The following MAGI1 variants were observed in gnomAD, a reference collection of about 807,000 sequenced individuals.
MAGI1 encodes the protein membrane-associated guanylate kinase, WW and PDZ domain-containing protein 1.
Under a neutral mutation model 139.9 loss-of-function variants are expected in MAGI1, and 58 were observed. The ratio of observed to expected loss-of-function variants is 0.41; its 90% CI spans 0.34 to 0.52. The LOEUF (loss-of-function observed/expected upper bound fraction) is 0.52. Ranked by LOEUF, MAGI1 falls within the 20% of genes least tolerant of loss-of-function variation. The pLI, the probability that MAGI1 is intolerant of heterozygous loss-of-function variation, is 0.12. For missense variants in MAGI1, 1,874 were observed against 1,901.6 expected (o/e 0.99, Z 0.27); for synonymous variants, 812 against 737.9 (o/e 1.10, Z -1.63).
At chr3:65,734,504 AG>A (rs1266288225) in intron 1 of MAGI1, among the ~76,000 whole-genome samples, 2 of 143,024 alleles carry the variant, frequency 1.4e-5, no homozygotes, top group African/African-American at 5.4e-5. Context: ...AGAAAGAGGA[AG>A]AGAGAGAAAG....
At position 65,854,304 on chromosome 3, in the gene MAGI1, A is replaced by C. The variant is rs147775523; in HGVS notation, c.313+183692T>G. Among the ~76,000 whole-genome samples, 1,402 of 152,278 alleles carry C rather than the reference A, an allele frequency of 9.2e-3. 20 individuals carry two copies. Among genetic ancestry groups the C allele is most frequent in the African/African-American group, 0.032 (1,349 of 41,532 alleles). ...TTCAAATTTAAGACAAAACACAACA[A>C]AGAAGTAGCAGAAAGAAACAAGGAG... On this transcript the variant is annotated intron_variant, in intron 1 of 22. Coordinates refer to ENST00000402939, the MANE Select transcript of MAGI1 (RefSeq NM_001033057.2).
At chr3:65,704,441 T>C (rs1388232763) in intron 1 of MAGI1, among the ~76,000 whole-genome samples, 1 of 152,178 alleles carries the variant, frequency 6.6e-6, no homozygotes, top group East Asian at 1.9e-4. Flanking sequence ...GATTGCCTCC[T>C]TTCCCCAGGC....
intron 2 of MAGI1, among the ~76,000 whole-genome samples, chr3:65,564,003 A>G (rs181423292): frequency 1.8e-4 from 28 of 152,320 alleles, no homozygotes; most frequent in Middle Eastern, 3.4e-3. Flanking sequence ...TGGCACATGT[A>G]ATGACATTTA....
chr3:65,412,634 T>C (rs1373076457), intron 12 of MAGI1, among the ~76,000 whole-genome samples: 1 of 152,174 alleles, frequency 6.6e-6, no homozygotes, highest in African/African-American at 2.4e-5. Context: ...GTTTACACCT[T>C]GAAAGCTGCA....
chr3:65,490,414 G>A (rs1002633952), intron 3 of MAGI1, among the ~76,000 whole-genome samples: 3 of 152,190 alleles, frequency 2.0e-5, no homozygotes, highest in Non-Finnish European at 4.4e-5. Flanking sequence ...TTGTCCAGGG[G>A]AGGCAAAGAC....
At chr3:66,005,319 A>G (rs946894820) in intron 1 of MAGI1, among the ~76,000 whole-genome samples, 3 of 152,174 alleles carry the variant, frequency 2.0e-5, no homozygotes, top group African/African-American at 7.2e-5. Context: ...ATCATCTGCA[A>G]TGAGTGGCCC....
chr3:65,419,732 C>A (rs1050276898), intron 12 of MAGI1, among the ~76,000 whole-genome samples: 1 of 152,062 alleles, frequency 6.6e-6, no homozygotes, highest in Admixed American at 6.5e-5. Context: ...CATTTTGGCT[C>A]CCTCCCTTTT....
chr3:65,463,357 A>G (rs1949945520), intron 5 of MAGI1, among the ~76,000 whole-genome samples: 1 of 152,166 alleles, frequency 6.6e-6, no homozygotes, highest in South Asian at 2.1e-4. Context: ...CTGTTGAGAT[A>G]ATCATGTGGT....
At chr3:65,517,165 T>C (rs572235563) in intron 2 of MAGI1, among the ~76,000 whole-genome samples, 163 of 152,290 alleles carry the variant, frequency 1.1e-3, no homozygotes, top group Non-Finnish European at 1.7e-3. Context: ...ATTCTTAGAC[T>C]ACTCCAGAAA....
At chr3:66,000,295 A>G (rs541655435) in intron 1 of MAGI1, among the ~76,000 whole-genome samples, 2 of 152,082 alleles carry the variant, frequency 1.3e-5, no homozygotes, top group East Asian at 3.9e-4. Context: ...TTTTAATGAT[A>G]AAACAGCTTG....
At chr3:65,641,418 G>C (rs557519319) in intron 1 of MAGI1, among the ~76,000 whole-genome samples, 1 of 152,284 alleles carries the variant, frequency 6.6e-6, no homozygotes, top group Non-Finnish European at 1.5e-5. Flanking sequence ...GAAGGACTAG[G>C]CATCGGTATT....
At chr3:65,619,782 A>G (rs2107037204) in intron 2 of MAGI1, 1 of 880,230 alleles carries the variant, frequency 1.1e-6, no homozygotes, top group African/African-American at 1.8e-5. Flanking sequence ...ACGCTCCACC[A>G]GACTCCAAAA....
At chr3:65,956,328 G>A (rs1226813644) in intron 1 of MAGI1, among the ~76,000 whole-genome samples, 6 of 152,122 alleles carry the variant, frequency 3.9e-5, no homozygotes, top group African/African-American at 1.4e-4. Context: ...TGCAGATAAG[G>A]AGACTGAGTC....
chr3:65,631,249 T>C (rs73835614), intron 1 of MAGI1, among the ~76,000 whole-genome samples: 161 of 152,346 alleles, frequency 1.1e-3, no homozygotes, highest in African/African-American at 3.7e-3. Context: ...AGGAATCCAA[T>C]GTTTGTGCTT....
At chr3:65,388,264 G>C (rs148285311) in intron 14 of MAGI1, among the ~76,000 whole-genome samples, 1 of 152,248 alleles carries the variant, frequency 6.6e-6, no homozygotes, top group East Asian at 1.9e-4. Context: ...GAAGGAATGC[G>C]TTCACAGATT....
intron 2 of MAGI1, among the ~76,000 whole-genome samples, chr3:65,573,659 T>G (rs901433888): frequency 1.3e-5 from 2 of 152,130 alleles, no homozygotes; most frequent in Non-Finnish European, 2.9e-5. Flanking sequence ...AGAGTGAATG[T>G]TTTTTCCCTA....
chr3:65,828,612 T>G lies in MAGI1; in HGVS notation c.314-206524A>C, dbSNP rs536494351. Among the ~76,000 whole-genome samples, 16 of 152,298 alleles carry G rather than the reference T, an allele frequency of 1.1e-4. 1 individual carries two copies. The highest frequency in any genetic ancestry group is 9.1e-4 in the Admixed American group (14 of 15,304). On this transcript the variant is annotated intron_variant, in intron 1 of 22. Coordinates refer to ENST00000402939, the MANE Select transcript of MAGI1 (RefSeq NM_001033057.2). ...ATTAACACAGTTTCAAGTTTTAAAG[T>G]CAAGTAACAGGCTGAATAATGGCCC...
At chr3:65,718,735 A>T (rs1483137239) in intron 1 of MAGI1, 3 of 152,138 alleles carry the variant, frequency 2.0e-5, no homozygotes, top group Admixed American at 6.5e-5. Flanking sequence ...AAAAACGGAG[A>T]TGAAAAAAAA....
intron 1 of MAGI1, among the ~76,000 whole-genome samples, chr3:65,648,126 G>C (rs184038955): frequency 1.3e-5 from 2 of 151,928 alleles, no homozygotes; most frequent in East Asian, 3.9e-4. Flanking sequence ...CAAGATACCA[G>C]ATATACATCT....
Sources: gnomAD v4.1 joint callset for allele counts (sites outside exome capture counted in the v4.1 genomes callset) on GRCh38, gnomAD v4.1.1 for gene constraint, MANE v1.5 for transcripts, NCBI Gene and HGNC (gene_info 2026-07-23, HGNC 2026-07-21) for gene names.